AVEN: variants seen among roughly 807,000 people sequenced by gnomAD.
AVEN encodes cell death regulator Aven.
A neutral mutation model predicts 38.1 loss-of-function variants in AVEN; 41 were observed. The observed-to-expected ratio is 1.08, with a 90% CI of 0.84 to 1.40. The LOEUF is 1.40. Among genes scored for constraint, AVEN ranks in the 40% most tolerant of loss-of-function variants. The pLI is 0.00. For synonymous variants in AVEN, 206 were observed against 171.8 expected, an observed-to-expected ratio of 1.20 and a Z score of -1.56; for missense variants, 605 against 438.8, an observed-to-expected ratio of 1.38 and a Z score of -3.38.
chr15:33,934,669 G>A (rs1285184402), intron 2 of AVEN, among the ~76,000 whole-genome samples: 1 of 152,140 alleles, frequency 6.6e-6, no homozygotes, highest in Admixed American at 6.5e-5. Flanking sequence ...TCTTCACGTC[G>A]TGAAATCAAA....
intron 2 of AVEN, among the ~76,000 whole-genome samples, chr15:33,939,484 G>A (rs1894230554): frequency 6.6e-6 from 1 of 152,158 alleles, no homozygotes; most frequent in African/African-American, 2.4e-5. Context: ...TTTACAGAGA[G>A]ACAGATAATG....
intron 5 of AVEN, among the ~76,000 whole-genome samples, chr15:34,045,488 A>G (rs1899649931): frequency 6.6e-6 from 1 of 152,218 alleles, no homozygotes; most frequent in South Asian, 2.1e-4. Context: ...TATCTAACAC[A>G]GTGGTACCCC....
chr15:33,955,942 C>A (rs1185033021), intron 2 of AVEN, among the ~76,000 whole-genome samples: 2 of 152,282 alleles, frequency 1.3e-5, no homozygotes, highest in South Asian at 4.1e-4. Context: ...AAATTTAAGA[C>A]AACTGAAGAA....
At chr15:33,958,914 T>C (rs1040334843) in intron 2 of AVEN, among the ~76,000 whole-genome samples, 1 of 152,166 alleles carries the variant, frequency 6.6e-6, no homozygotes, top group Non-Finnish European at 1.5e-5. Flanking sequence ...GAGCATAAAA[T>C]CTTCACTCCA....
chr15:33,888,303 T>TTG (rs367696343), intron 2 of AVEN, among the ~76,000 whole-genome samples: 1,625 of 151,484 alleles, frequency 0.011, 39 homozygotes, highest in African/African-American at 0.037. Flanking sequence ...TATGGGAGCA[T>TTG]TGTGTGTGTG....
At chr15:34,024,317 G>A (rs537624432) in intron 1 of AVEN, among the ~76,000 whole-genome samples, 3 of 151,992 alleles carry the variant, frequency 2.0e-5, no homozygotes. Context: ...AAATAAAGTA[G>A]GTATGAGATG....
chr15:34,055,803 AAAAT>A lies in AVEN; in HGVS notation n.1637+7115_1637+7118del, dbSNP rs916497293. Among the ~76,000 whole-genome samples the A allele has an allele frequency of 2.6e-5, 4 of 152,298 alleles. No homozygotes were observed. The East Asian group carries it at 5.8e-4, about 22-fold the overall frequency. On this transcript the variant is annotated intron_variant and non_coding_transcript_variant, in intron 5 of 11. Transcript: ENST00000675287. ...GCGACGGAGCAAGACTCTGTCACAA[AAAAT>A]AAATAAATAAATAAATAAAAATAAA...
chr15:33,908,161 C>A (rs1892777504), intron 2 of AVEN, among the ~76,000 whole-genome samples: 1 of 152,170 alleles, frequency 6.6e-6, no homozygotes, highest in Admixed American at 6.5e-5. Context: ...TAAGTACATT[C>A]ACATTATTGT....
At chr15:33,970,491 A>G (rs1249869034) in intron 2 of AVEN, among the ~76,000 whole-genome samples, 1 of 151,904 alleles carries the variant, frequency 6.6e-6, no homozygotes, top group East Asian at 1.9e-4. Context: ...GACATAACTA[A>G]AAGTTAAGGG....
At chr15:33,861,218 C>T (rs778913890) in intron 11 of AVEN, 25 of 1,468,654 alleles carry the variant, frequency 1.7e-5, no homozygotes, top group South Asian at 1.3e-4. Context: ...GCAGCTGTAG[C>T]GTAAATAAAG....
intron 2 of AVEN, among the ~76,000 whole-genome samples, chr15:33,910,427 G>A (rs751083012): frequency 2.0e-5 from 3 of 152,186 alleles, no homozygotes; most frequent in African/African-American, 4.8e-5. Context: ...ATTGTGCCTG[G>A]TGCTGTTAAG....
At chr15:34,020,155 C>CA (rs1373278755) in intron 1 of AVEN, among the ~76,000 whole-genome samples, 18 of 151,828 alleles carry the variant, frequency 1.2e-4, no homozygotes, top group Non-Finnish European at 2.4e-4. Flanking sequence ...ACTAAAAATA[C>CA]AAAAAATTAG....
At chr15:33,886,593 TC>T (rs1199200062) in intron 2 of AVEN, among the ~76,000 whole-genome samples, 1 of 152,158 alleles carries the variant, frequency 6.6e-6, no homozygotes, top group African/African-American at 2.4e-5. Flanking sequence ...ATAAGGGGCT[TC>T]CCCCTTCACT....
At chr15:33,869,201 G>T (rs918377938) in intron 4 of AVEN, among the ~76,000 whole-genome samples, 6 of 152,172 alleles carry the variant, frequency 3.9e-5, no homozygotes, top group Admixed American at 3.3e-4. Flanking sequence ...TCTGGGGTGG[G>T]TGTCTGGCCT....
intron 1 of AVEN, among the ~76,000 whole-genome samples, chr15:34,071,758 G>A (rs979103067): frequency 6.6e-6 from 1 of 152,116 alleles, no homozygotes; most frequent in African/African-American, 2.4e-5. Context: ...AAGAACAAGT[G>A]ATACAAATTT....
At chr15:33,894,570 G>A (rs570269556) in intron 2 of AVEN, among the ~76,000 whole-genome samples, 31 of 146,940 alleles carry the variant, frequency 2.1e-4, no homozygotes, top group African/African-American at 7.3e-4. Context: ...AGCACTTTGG[G>A]AGGCCGAGGC....
At chr15:33,894,938 T>C (rs1227964727) in intron 2 of AVEN, among the ~76,000 whole-genome samples, 1 of 151,774 alleles carries the variant, frequency 6.6e-6, no homozygotes, top group Non-Finnish European at 1.5e-5. Flanking sequence ...AATTGCTGGA[T>C]GTCATCTATG....
chr15:34,073,346 C>T (rs1308115470), intron 1 of AVEN, among the ~76,000 whole-genome samples: 7 of 151,702 alleles, frequency 4.6e-5, no homozygotes, highest in East Asian at 3.9e-4. Flanking sequence ...TGAGCCACCG[C>T]GCCCGGCCTG....
intron 2 of AVEN, among the ~76,000 whole-genome samples, chr15:33,998,565 T>C (rs1488412169): frequency 6.6e-6 from 1 of 152,236 alleles, no homozygotes; most frequent in Non-Finnish European, 1.5e-5. Flanking sequence ...AATTAAGTCA[T>C]TTATACCTGC....
Sources: allele counts gnomAD v4.1 joint callset (sites outside exome capture counted in the v4.1 genomes callset), GRCh38; gene constraint gnomAD v4.1.1; transcripts MANE v1.5; gene names NCBI Gene and HGNC (gene_info 2026-07-23, HGNC 2026-07-21).